The following ASIC2 variants were observed in gnomAD, a reference collection of about 807,000 sequenced individuals.
ASIC2 encodes acid sensing ion channel subunit 2, also known as acid-sensing ion channel 2.
A neutral mutation model predicts 57.3 loss-of-function variants in ASIC2; 25 were observed. The observed-to-expected ratio is 0.44, with a 90% CI of 0.32 to 0.61. ASIC2 has a LOEUF of 0.61. Among genes scored for constraint, ASIC2 ranks in the 20% least tolerant of loss-of-function variants. The probability of loss-of-function intolerance (pLI) is 0.06; values close to 1 mark genes in which losing one functional copy is unlikely to be tolerated. For missense variants in ASIC2, 641 were observed against 738.1 expected (o/e 0.87, Z 1.52); for synonymous variants, 319 against 307.5 (o/e 1.04, Z -0.39).
chr17:33,909,507 C>T (rs972929389), intron 1 of ASIC2, among the ~76,000 whole-genome samples: 8 of 152,068 alleles, frequency 5.3e-5, no homozygotes, highest in South Asian at 2.1e-4. Context: ...AGTGGAACCA[C>T]GGAGCATGGG....
rs148799378 is a variant in ASIC2 at position 33,113,444 on chromosome 17, G to C, written c.709-1377C>G. Among the ~76,000 whole-genome samples, 646 of 152,308 alleles carry C rather than the reference G, an allele frequency of 4.2e-3. 6 individuals carry two copies. The highest frequency in any genetic ancestry group is 0.015 in the African/African-American group (617 of 41,568). ...ACATCTGGCAAAATTGGCTGGAAGA[G>C]AGCCAGGCTGACTGTATTGGATTCC... On this transcript the variant is annotated intron_variant, in intron 1 of 9. Transcript: ENST00000225823.
At chr17:33,658,960 G>A (rs990495451) in intron 1 of ASIC2, among the ~76,000 whole-genome samples, 3 of 152,078 alleles carry the variant, frequency 2.0e-5, no homozygotes, top group Non-Finnish European at 2.9e-5. Context: ...CTGAGATCGC[G>A]CCACTGCACT....
intron 2 of ASIC2, among the ~76,000 whole-genome samples, chr17:33,097,121 C>T (rs1036112274): frequency 6.6e-6 from 1 of 152,228 alleles, no homozygotes; most frequent in Non-Finnish European, 1.5e-5. Context: ...GCCATGTGGC[C>T]TCGCTCAAAT....
chr17:33,982,877 C>T (rs1320134860), intron 1 of ASIC2, among the ~76,000 whole-genome samples: 1 of 152,198 alleles, frequency 6.6e-6, no homozygotes, highest in South Asian at 2.1e-4. Context: ...ATAGAACTCC[C>T]TGATATCATA....
intron 1 of ASIC2, among the ~76,000 whole-genome samples, chr17:33,348,604 T>C (rs1246826866): frequency 6.6e-6 from 1 of 151,618 alleles, no homozygotes; most frequent in Non-Finnish European, 1.5e-5. Flanking sequence ...GGTTAGGAAA[T>C]TGGGTGAGAT....
At chr17:33,170,306 G>A (rs1406488723) in intron 1 of ASIC2, among the ~76,000 whole-genome samples, 1 of 152,168 alleles carries the variant, frequency 6.6e-6, no homozygotes, top group Non-Finnish European at 1.5e-5. Context: ...AAAATCATCA[G>A]TGATTACTTA....
At chr17:33,776,344 CA>C (rs1291904493) in intron 1 of ASIC2, among the ~76,000 whole-genome samples, 10 of 152,036 alleles carry the variant, frequency 6.6e-5, no homozygotes, top group South Asian at 2.1e-4. Flanking sequence ...AAGGTTACAG[CA>C]AAAAAATGGC....
rs1013607355 is a variant in ASIC2, at chr17:33,630,290, T to C, written c.556-518223A>G. ...CTGACAGTTCCTGAAAAAGCCAGACTATGCCGCTTCTGTAGGTCCTGGTTC... is the reference window on the plus strand; with the variant it reads ...CTGACAGTTCCTGAAAAAGCCAGACCATGCCGCTTCTGTAGGTCCTGGTTC... On this transcript the variant is annotated intron_variant, in intron 1 of 9. Transcript: ENST00000359872. 2.6e-5 allele frequency among the ~76,000 whole-genome samples: 4 copies of C among 152,160 alleles called. No individual in the cohort carries two copies. The South Asian group carries it at 8.3e-4, about 32-fold the overall frequency.
intron 1 of ASIC2, among the ~76,000 whole-genome samples, chr17:33,165,401 C>A (rs1905276775): frequency 6.6e-6 from 1 of 152,158 alleles, no homozygotes; most frequent in Non-Finnish European, 1.5e-5. Context: ...TGGGTAGTCA[C>A]AGAATGGCTC....
intron 1 of ASIC2, among the ~76,000 whole-genome samples, chr17:33,930,030 A>G (rs1054741452): frequency 1.3e-5 from 2 of 152,228 alleles, no homozygotes; most frequent in African/African-American, 2.4e-5. Flanking sequence ...GGTGCTGTAC[A>G]GGACAAACTT....
chr17:33,932,520 C>T (rs1353787911), intron 1 of ASIC2: 1 of 151,014 alleles, frequency 6.6e-6, no homozygotes, highest in African/African-American at 2.4e-5. Context: ...TCGAGACCAC[C>T]CTGACCAACA....
intron 1 of ASIC2, among the ~76,000 whole-genome samples, chr17:34,054,834 TGAGA>T (rs1405349591): frequency 6.6e-6 from 1 of 152,196 alleles, no homozygotes; most frequent in Non-Finnish European, 1.5e-5. Context: ...AAATGGCAAC[TGAGA>T]GAGACATTAT....
At chr17:33,709,274 A>G (rs1908954591) in intron 1 of ASIC2, among the ~76,000 whole-genome samples, 1 of 152,344 alleles carries the variant, frequency 6.6e-6, no homozygotes, top group South Asian at 2.1e-4. Flanking sequence ...GGGCTCAATA[A>G]TGCCCTCCTC....
intron 1 of ASIC2, among the ~76,000 whole-genome samples, chr17:33,503,881 A>T (rs553282668): frequency 6.6e-6 from 1 of 152,226 alleles, no homozygotes; most frequent in Non-Finnish European, 1.5e-5. Context: ...GAGGAGAGAC[A>T]TTACACCACA....
chr17:33,558,075 T>C (rs1463139362), intron 1 of ASIC2, among the ~76,000 whole-genome samples: 1 of 152,062 alleles, frequency 6.6e-6, no homozygotes, highest in Non-Finnish European at 1.5e-5. Flanking sequence ...TCTATTTCTA[T>C]TAAAGATTTT....
intron 5 of ASIC2, 95 bp from the exon 6 acceptor site, chr17:33,024,109 T>G: frequency 6.6e-7 from 1 of 1,514,792 alleles, no homozygotes. Context: ...AGAAATGAGC[T>G]GGGAAGGGGC....
intron 1 of ASIC2, among the ~76,000 whole-genome samples, chr17:33,137,758 A>G (rs1368753305): frequency 6.6e-6 from 1 of 152,204 alleles, no homozygotes; most frequent in African/African-American, 2.4e-5. Flanking sequence ...AATAGAGTAC[A>G]TGGAGGTGAT....
chr17:33,033,603 G>T (rs2091895410), intron 3 of ASIC2, among the ~76,000 whole-genome samples: 1 of 152,208 alleles, frequency 6.6e-6, no homozygotes, highest in South Asian at 2.1e-4. Context: ...CCACTGCCTG[G>T]CCTCTCTATG....
chr17:33,636,842 A>G (rs1597816296), intron 1 of ASIC2, among the ~76,000 whole-genome samples: 1 of 152,054 alleles, frequency 6.6e-6, no homozygotes, highest in Middle Eastern at 3.4e-3. Flanking sequence ...CTGCAGACAC[A>G]TGGCAGTAAC....
Sources: allele counts gnomAD v4.1 joint callset (sites outside exome capture counted in the v4.1 genomes callset), GRCh38; gene constraint gnomAD v4.1.1; transcripts MANE v1.5; gene names NCBI Gene and HGNC (gene_info 2026-07-23, HGNC 2026-07-21).